The following ST6GALNAC5 variants were observed in gnomAD, a reference collection of about 807,000 sequenced individuals.
ST6GALNAC5 encodes ST6 N-acetylgalactosaminide alpha-2,6-sialyltransferase 5, also known as alpha-N-acetylgalactosaminide alpha-2,6-sialyltransferase 5.
In ST6GALNAC5, 27 loss-of-function variants were observed where a neutral mutation model predicts 33.6. The ratio of observed to expected loss-of-function variants is 0.80; its 90% confidence interval spans 0.59 to 1.11. ST6GALNAC5 has a LOEUF of 1.11. Among genes scored for constraint, ST6GALNAC5 ranks in the 50% least tolerant of loss-of-function variants. ST6GALNAC5 has a pLI of 0.00. For synonymous variants in ST6GALNAC5, 194 were observed against 171.2 expected (o/e 1.13, Z -1.04); for missense variants, 428 against 454.0 (o/e 0.94, Z 0.52).
chr1:76,988,191 T>G (rs548567735), intron 2 of ST6GALNAC5, among the ~76,000 whole-genome samples: 1 of 152,142 alleles, frequency 6.6e-6, no homozygotes, highest in African/African-American at 2.4e-5. Context: ...ATTTTGCATT[T>G]CTTTAAGTGT....
Position 77,067,415 on chromosome 1 carries a change from T to G in ST6GALNAC5, c.*4209T>G, listed in dbSNP as rs549626209. 1.6e-4 allele frequency among the ~76,000 whole-genome samples: 25 copies of G among 152,330 alleles called. No individual in the cohort carries two copies. The Middle Eastern group carries it at 0.01, about 62-fold the overall frequency. On this transcript the variant is annotated 3_prime_UTR_variant, in exon 5 of 5. Coordinates refer to ENST00000477717, the MANE Select transcript of ST6GALNAC5 (RefSeq NM_030965.3). ...TCGTCTTTTTATGCATGTGTCCTGTTAGTCTAATTAGATTGTAAGCTCCTT... is the reference window on the plus strand; with the variant it reads ...TCGTCTTTTTATGCATGTGTCCTGTGAGTCTAATTAGATTGTAAGCTCCTT...
At chr1:76,912,848 C>T (rs538888055) in intron 2 of ST6GALNAC5, among the ~76,000 whole-genome samples, 126 of 152,296 alleles carry the variant, frequency 8.3e-4, no homozygotes, top group South Asian at 2.5e-3. Flanking sequence ...ATACAGCACA[C>T]TGATGGCTCT....
At chr1:76,943,111 C>T (rs544954031) in intron 2 of ST6GALNAC5, among the ~76,000 whole-genome samples, 1 of 152,216 alleles carries the variant, frequency 6.6e-6, no homozygotes, top group Admixed American at 6.5e-5. Flanking sequence ...TTAATGTTTG[C>T]TGAGATGTAA....
chr1:77,002,124 C>G (rs1036815193), intron 2 of ST6GALNAC5, among the ~76,000 whole-genome samples: 7 of 151,950 alleles, frequency 4.6e-5, no homozygotes, highest in Non-Finnish European at 8.8e-5. Flanking sequence ...TGGTCCTGGA[C>G]TCTTTTTGGT....
intron 2 of ST6GALNAC5, among the ~76,000 whole-genome samples, chr1:76,967,929 G>T (rs946202552): frequency 3.3e-5 from 5 of 152,338 alleles, no homozygotes; most frequent in African/African-American, 1.2e-4. Context: ...TAATTTGGTT[G>T]CAGTGTGGTC....
chr1:76,874,656 T>G (rs1306510345), intron 2 of ST6GALNAC5, among the ~76,000 whole-genome samples: 1 of 152,148 alleles, frequency 6.6e-6, no homozygotes, highest in Non-Finnish European at 1.5e-5. Flanking sequence ...TGTTTTATAT[T>G]CGCTGGAAGC....
chr1:77,024,448 C>T (rs1651160334), intron 2 of ST6GALNAC5, among the ~76,000 whole-genome samples: 1 of 152,158 alleles, frequency 6.6e-6, no homozygotes, highest in South Asian at 2.1e-4. Flanking sequence ...GCTACTGGTA[C>T]AGGAACTTAT....
chr1:76,935,583 G>C (rs1647193312), intron 2 of ST6GALNAC5, among the ~76,000 whole-genome samples: 1 of 151,966 alleles, frequency 6.6e-6, no homozygotes, highest in African/African-American at 2.4e-5. Context: ...GGATAAAATT[G>C]GTGTTGTATT....
intron 2 of ST6GALNAC5, among the ~76,000 whole-genome samples, chr1:76,934,992 G>A (rs755814045): frequency 5.9e-5 from 9 of 151,888 alleles, no homozygotes; most frequent in Non-Finnish European, 1.3e-4. Flanking sequence ...AATTTTACTT[G>A]GCTTAATTAC....
At chr1:77,026,868 G>A (rs1651259815) in intron 2 of ST6GALNAC5, among the ~76,000 whole-genome samples, 1 of 152,156 alleles carries the variant, frequency 6.6e-6, no homozygotes, top group Non-Finnish European at 1.5e-5. Context: ...GTTGTGCTGT[G>A]GAACACACTC....
At chr1:77,013,069 G>A (rs989411833) in intron 2 of ST6GALNAC5, among the ~76,000 whole-genome samples, 7 of 152,170 alleles carry the variant, frequency 4.6e-5, no homozygotes, top group Non-Finnish European at 8.8e-5. Context: ...CCTGGCAGAA[G>A]GAGCAGTGTG....
chr1:76,963,402 A>G (rs1359156759), intron 2 of ST6GALNAC5, among the ~76,000 whole-genome samples: 2 of 152,188 alleles, frequency 1.3e-5, no homozygotes, highest in Admixed American at 1.3e-4. Context: ...GCACCATGGA[A>G]TTGTGCATGA....
At chr1:76,972,351 G>A (rs1426711481) in intron 2 of ST6GALNAC5, among the ~76,000 whole-genome samples, 1 of 152,116 alleles carries the variant, frequency 6.6e-6, no homozygotes, top group African/African-American at 2.4e-5. Flanking sequence ...GGAATGATGA[G>A]ATCTACAATT....
At chr1:77,041,826 G>A (rs557093206) in intron 2 of ST6GALNAC5, among the ~76,000 whole-genome samples, 2 of 152,298 alleles carry the variant, frequency 1.3e-5, no homozygotes, top group African/African-American at 4.8e-5. Context: ...TTTGGTAGAA[G>A]ATTCTTGTCA....
chr1:76,996,744 G>A (rs1192338622), intron 2 of ST6GALNAC5, among the ~76,000 whole-genome samples: 1 of 152,144 alleles, frequency 6.6e-6, no homozygotes, highest in Non-Finnish European at 1.5e-5. Flanking sequence ...GAGTCGCTCT[G>A]GAAAATACAG....
At chr1:76,908,284 G>A (rs1646882515) in intron 2 of ST6GALNAC5, among the ~76,000 whole-genome samples, 1 of 152,132 alleles carries the variant, frequency 6.6e-6, no homozygotes, top group Non-Finnish European at 1.5e-5. Context: ...TTTGATGTCA[G>A]GTGAAGACCT....
Position 77,064,932 on chromosome 1 carries a change from A to G in ST6GALNAC5, c.*1726A>G, listed in dbSNP as rs1265036134. On this transcript the variant is annotated 3_prime_UTR_variant, in exon 5 of 5. Coordinates refer to ENST00000477717, the MANE Select transcript of ST6GALNAC5 (RefSeq NM_030965.3). ...GGAGTATTGTTGTTAAAATGCAAAC[A>G]CAATCAGGGTACTCACATAACATAA... The G allele has an allele frequency of 6.6e-6, 1 of 152,218 alleles. No individual in the cohort carries two copies. The highest frequency in any genetic ancestry group is 2.4e-5 in the African/African-American group (1 of 41,458). The allele number at this position is 152,218 out of a possible 1,614,324, so 9.4% of individuals were successfully genotyped here.
At chr1:76,926,507 A>T (rs1037608111) in intron 2 of ST6GALNAC5, among the ~76,000 whole-genome samples, 9 of 152,288 alleles carry the variant, frequency 5.9e-5, no homozygotes, top group Admixed American at 4.6e-4. Context: ...AGAAATATTA[A>T]AAAAAGTATT....
intron 2 of ST6GALNAC5, among the ~76,000 whole-genome samples, chr1:76,980,994 A>C (rs931323032): frequency 1.3e-5 from 2 of 152,216 alleles, no homozygotes; most frequent in African/African-American, 4.8e-5. Context: ...TGTATTTAAA[A>C]TAATATGTAA....
Sources: gnomAD v4.1 joint callset for allele counts (sites outside exome capture counted in the v4.1 genomes callset) on GRCh38, gnomAD v4.1.1 for gene constraint, MANE v1.5 for transcripts, NCBI Gene and HGNC (gene_info 2026-07-23, HGNC 2026-07-21) for gene names.